Variants in LARGE1 observed in about 807,000 individuals in gnomAD.
LARGE1 encodes xylosyl- and glucuronyltransferase LARGE1.
A neutral mutation model predicts 87.6 loss-of-function variants in LARGE1; 43 were observed. That is an observed-to-expected ratio of 0.49 (90% CI 0.38 to 0.63). LARGE1 has a LOEUF of 0.63. Among genes scored for constraint, LARGE1 ranks in the 30% least tolerant of loss-of-function variants. The pLI is 0.00. For synonymous variants in LARGE1, 434 were observed against 394.6 expected (o/e 1.10, Z -1.18); for missense variants, 802 against 1,000.2 (o/e 0.80, Z 2.67).
chr22:33,800,928 G>T (rs915982977), intron 1 of LARGE1, among the ~76,000 whole-genome samples: 2 of 152,128 alleles, frequency 1.3e-5, no homozygotes, highest in African/African-American at 4.8e-5. Flanking sequence ...ACGGTGATAT[G>T]GTTTGGCTGT....
At chr22:33,217,122 C>T (rs922167581) in intron 11 of LARGE1, among the ~76,000 whole-genome samples, 5 of 151,966 alleles carry the variant, frequency 3.3e-5, no homozygotes, top group Admixed American at 6.6e-5. Flanking sequence ...ATGAAGCTCT[C>T]CCACATGTAC....
chr22:33,676,476 C>T (rs1255353138), intron 2 of LARGE1, among the ~76,000 whole-genome samples: 1 of 138,696 alleles, frequency 7.2e-6, no homozygotes, highest in Admixed American at 7.4e-5. Flanking sequence ...TACCAGACTT[C>T]TAAGTGAAAA....
chr22:33,905,762 CTT>C (rs2065428059), intron 1 of LARGE1, among the ~76,000 whole-genome samples: 1 of 152,116 alleles, frequency 6.6e-6, no homozygotes, highest in South Asian at 2.1e-4. Context: ...TTAGGTGACC[CTT>C]GAGATTTTCA....
At chr22:33,173,252 C>T (rs190530823) in intron 11 of LARGE1, among the ~76,000 whole-genome samples, 86 of 152,190 alleles carry the variant, frequency 5.7e-4, no homozygotes, top group East Asian at 1.5e-3. Flanking sequence ...TCATATAGAA[C>T]GAAACTAAGC....
At chr22:33,108,079 G>T in the LARGE1 span, among the ~76,000 whole-genome samples, 2 of 152,156 alleles carry the variant, frequency 1.3e-5, no homozygotes, top group African/African-American at 4.8e-5. Context: ...CACCAATCAG[G>T]TTCTATGGAT....
chr22:33,200,814 T>C (rs1375905212), intron 11 of LARGE1, among the ~76,000 whole-genome samples: 1 of 152,000 alleles, frequency 6.6e-6, no homozygotes, highest in Non-Finnish European at 1.5e-5. Flanking sequence ...AAAGGAAGCA[T>C]TGGAGAGGGA....
intron 3 of LARGE1, 59 bp downstream of exon 3, chr22:33,650,308 G>A (rs949995942): frequency 2.5e-6 from 4 of 1,600,238 alleles, no homozygotes; most frequent in Non-Finnish European, 3.4e-6. Flanking sequence ...GCATTTGCAA[G>A]GGGTGAGGGC....
At chr22:33,572,051 T>G in intron 5 of LARGE1, 1 of 460,536 alleles carries the variant, frequency 2.2e-6, no homozygotes, top group South Asian at 1.8e-5. Context: ...TAGTAGTATA[T>G]CCTGCTTCCT....
At chr22:33,371,754 G>A (rs1044336620) in intron 9 of LARGE1, among the ~76,000 whole-genome samples, 1 of 152,186 alleles carries the variant, frequency 6.6e-6, no homozygotes, top group Admixed American at 6.5e-5. Flanking sequence ...GGAGGCCGAG[G>A]TGGGTGGATC....
chr22:33,875,867 T>C (rs144914991), intron 1 of LARGE1, among the ~76,000 whole-genome samples: 18 of 152,146 alleles, frequency 1.2e-4, no homozygotes, highest in Admixed American at 1.1e-3. Context: ...TCACTTCTGG[T>C]AGGTGAGGTG....
intron 2 of LARGE1, among the ~76,000 whole-genome samples, chr22:33,752,631 G>C (rs956305659): frequency 6.6e-6 from 1 of 152,194 alleles, no homozygotes; most frequent in African/African-American, 2.4e-5. Context: ...AAATTCAAAT[G>C]CAAGAACCCA....
chr22:33,173,749 A>C (rs183236918), intron 11 of LARGE1, among the ~76,000 whole-genome samples: 2 of 152,336 alleles, frequency 1.3e-5, no homozygotes, highest in Non-Finnish European at 2.9e-5. Flanking sequence ...ACAGAAGGCC[A>C]TTACATAATG....
At chr22:33,252,759 T>C (rs1489383466) in intron 11 of LARGE1, among the ~76,000 whole-genome samples, 1 of 152,226 alleles carries the variant, frequency 6.6e-6, no homozygotes. Context: ...AATTCTTTGT[T>C]GGTTTTTCTT....
intron 1 of LARGE1, among the ~76,000 whole-genome samples, chr22:33,811,215 A>T (rs975956724): frequency 1.3e-5 from 2 of 152,176 alleles, no homozygotes; most frequent in Non-Finnish European, 2.9e-5. Flanking sequence ...GTCTGGTTTC[A>T]TCCCTACTGG....
At chr22:33,756,906 G>A (rs140829938) in intron 2 of LARGE1, among the ~76,000 whole-genome samples, 11 of 152,302 alleles carry the variant, frequency 7.2e-5, no homozygotes, top group South Asian at 2.1e-4. Context: ...GGTGGCAACC[G>A]AGACACGGAG....
Position 33,379,403 on chromosome 22 carries a change from T to A in LARGE1, c.1131+2516A>T, listed in dbSNP as rs542277988. On this transcript the variant is annotated intron_variant, in intron 9 of 14. Transcript: ENST00000397394. ...ACATTAGGTATATCTCCTAATGCTA[T>A]TCCTCCTCTCTCCCCCACCCCATGA... Among the ~76,000 whole-genome samples, 5 of 152,200 alleles carry A rather than the reference T, an allele frequency of 3.3e-5. 1 individual carries two copies. In the Middle Eastern group the frequency reaches 0.017, roughly 518 times the overall value.
intron 1 of LARGE1, among the ~76,000 whole-genome samples, chr22:33,824,356 G>GC (rs1401234946): frequency 1.3e-5 from 2 of 152,178 alleles, no homozygotes; most frequent in Non-Finnish European, 2.9e-5. Context: ...AAGCAAGCAT[G>GC]CCTTCACATG....
At chr22:33,305,468 C>T (rs963425366) in intron 11 of LARGE1, 4 of 384,466 alleles carry the variant, frequency 1.0e-5, no homozygotes, top group Non-Finnish European at 1.4e-5. Flanking sequence ...GCGTTAGAAG[C>T]GTCTGGTACA....
chr22:33,250,710 A>T (rs929339259), intron 11 of LARGE1, among the ~76,000 whole-genome samples: 3 of 152,112 alleles, frequency 2.0e-5, no homozygotes, highest in South Asian at 4.1e-4. Flanking sequence ...TTTAATCATG[A>T]TTGACTTTTG....
Sources: gnomAD v4.1 joint callset for allele counts (sites outside exome capture counted in the v4.1 genomes callset) on GRCh38, gnomAD v4.1.1 for gene constraint, MANE v1.5 for transcripts, NCBI Gene and HGNC (gene_info 2026-07-23, HGNC 2026-07-21) for gene names.